Variants in IL6ST observed in about 807,000 individuals in gnomAD.
IL6ST encodes interleukin-6 receptor subunit beta.
In IL6ST, 24 loss-of-function variants were observed where a neutral mutation model predicts 91.3. That is an observed-to-expected ratio of 0.26 (90% CI 0.19 to 0.37). The LOEUF (loss-of-function observed/expected upper bound fraction) is 0.37, where lower values mean the gene tolerates loss of function less well. IL6ST is among the 10% of genes least tolerant of loss of function. The pLI is 1.00. For missense variants in IL6ST, 914 were observed against 1,078.5 expected (o/e 0.85, Z 2.14); for synonymous variants, 351 against 373.6 (o/e 0.94, Z 0.70).
chr5:55,965,480 C>T (rs192985851), intron 5 of IL6ST, among the ~76,000 whole-genome samples: 470 of 152,104 alleles, frequency 3.1e-3, no homozygotes, highest in African/African-American at 0.011. Flanking sequence ...CTAGCTCTTT[C>T]GACTGAAAAA....
Position 55,959,813 on chromosome 5 carries a change from T to C in IL6ST, c.973+589A>G, listed in dbSNP as rs552139092. ...TAGGAGTATCTCTGGACAAGTCTCC[T>C]TGAATAAAATGTTCTAGACTTATCA... is the stretch of plus-strand genomic sequence containing the variant. On this transcript the variant is annotated intron_variant, in intron 8 of 16. Coordinates refer to ENST00000381298, the MANE Select transcript of IL6ST (RefSeq NM_002184.4). The C allele has an allele frequency of 3.6e-5, 12 of 332,904 alleles. No individual in the cohort carries two copies. The East Asian group carries it at 8.4e-4, about 23-fold the overall frequency. 20.6% of individuals were successfully genotyped at this position (332,904 alleles called of 1,614,324 possible).
At chr5:55,966,972 C>G (rs547003001) in intron 5 of IL6ST, among the ~76,000 whole-genome samples, 3 of 151,648 alleles carry the variant, frequency 2.0e-5, no homozygotes, top group African/African-American at 7.3e-5. Context: ...AAAATCAAAC[C>G]CAAATCTGAT....
chr5:55,974,968 C>T (rs1753198144), intron 3 of IL6ST, among the ~76,000 whole-genome samples: 1 of 151,718 alleles, frequency 6.6e-6, no homozygotes, highest in Non-Finnish European at 1.5e-5. Flanking sequence ...CACACACACA[C>T]ACACACACAC....
intron 2 of IL6ST, among the ~76,000 whole-genome samples, 180 bp from the exon 3 acceptor site, chr5:55,976,473 A>T (rs915931264): frequency 2.0e-5 from 3 of 152,206 alleles, no homozygotes; most frequent in Admixed American, 2.0e-4. Flanking sequence ...AGTTATGGCT[A>T]TGGAAAACAC....
rs1051359208 is a variant in IL6ST at position 55,935,460 on chromosome 5, T to G, written c.*5622A>C. 2 of 196,280 alleles carry G rather than the reference T, an allele frequency of 1.0e-5. No individual in the cohort carries two copies. Among genetic ancestry groups the G allele is most frequent in the African/African-American group, 5.5e-5 (2 of 36,454 alleles). The allele number at this position is 196,280 out of a possible 1,614,324, so 12.2% of individuals were successfully genotyped here. A position where few individuals can be genotyped will look rare whatever the true frequency, so the allele number is the denominator to read the frequency against. On this transcript the variant is annotated 3_prime_UTR_variant, in exon 17 of 17. Transcript: ENST00000381298. ...TTTTGAGTTGAAAGGTACATTTTCC[T>G]CCCTTGATGGAGACAGAACTTTTCT...
chr5:55,942,256 G>C (rs1196496546), intron 16 of IL6ST, among the ~76,000 whole-genome samples: 1 of 152,152 alleles, frequency 6.6e-6, no homozygotes, highest in Non-Finnish European at 1.5e-5. Context: ...TCAGAGTTTA[G>C]AGTAGGTTCC....
intron 7 of IL6ST, among the ~76,000 whole-genome samples, chr5:55,960,813 G>T (rs1336612993): frequency 6.6e-6 from 1 of 151,826 alleles, no homozygotes; most frequent in African/African-American, 2.4e-5. Context: ...TACTTTTTTA[G>T]TATCAACAAG....
chr5:55,975,974 T>C (rs538962879), intron 3 of IL6ST, among the ~76,000 whole-genome samples: 3 of 151,640 alleles, frequency 2.0e-5, no homozygotes, highest in East Asian at 3.9e-4. Flanking sequence ...ATATACAGCA[T>C]TTAAGATTAC....
At chr5:55,973,288 C>T (rs77562046) in intron 3 of IL6ST, among the ~76,000 whole-genome samples, 3,735 of 152,298 alleles carry the variant, frequency 0.025, 175 homozygotes, top group African/African-American at 0.085. Context: ...CGATGTCACG[C>T]ATACTCTTTT....
chr5:55,979,968 G>A (rs988564894), intron 2 of IL6ST, among the ~76,000 whole-genome samples: 2 of 152,232 alleles, frequency 1.3e-5, no homozygotes, highest in East Asian at 1.9e-4. Flanking sequence ...AGCTCTATAT[G>A]TACAGAAACA....
At chr5:55,973,004 CA>C (rs201052851) in intron 3 of IL6ST, among the ~76,000 whole-genome samples, 4 of 110,814 alleles carry the variant, frequency 3.6e-5, no homozygotes, top group East Asian at 2.7e-4. Context: ...GATTCCATCT[CA>C]AAAAAAAAGA....
intron 15 of IL6ST, among the ~76,000 whole-genome samples, chr5:55,944,469 TG>T (rs1751117987): frequency 1.3e-5 from 2 of 152,178 alleles, no homozygotes; most frequent in African/African-American, 4.8e-5. Flanking sequence ...AAAATACTTT[TG>T]TCATGAATTC....
At chr5:55,966,695 A>G (rs1240462307) in intron 5 of IL6ST, among the ~76,000 whole-genome samples, 6 of 152,208 alleles carry the variant, frequency 3.9e-5, no homozygotes, top group Non-Finnish European at 8.8e-5. Flanking sequence ...AGAAGGATGC[A>G]TAGATAAATA....
intron 2 of IL6ST, among the ~76,000 whole-genome samples, chr5:55,978,591 T>C (rs1474421606): frequency 6.6e-6 from 1 of 152,154 alleles, no homozygotes; most frequent in Non-Finnish European, 1.5e-5. Flanking sequence ...CCAGGCGTGG[T>C]GGCGGCCGCC....
Position 55,947,509 on chromosome 5 carries a change from A to G in IL6ST, c.1921T>C (p.Phe641Leu). The change falls in exon 15 of 17, where the codon TTT (phenylalanine) becomes CTT (leucine). Residue 641 changes from phenylalanine (F) to leucine (L), a missense_variant. Coordinates refer to ENST00000381298, the MANE Select transcript of IL6ST (RefSeq NM_002184.4). Reference protein sequence around the residue: ...LTTLLGVLFCFNKRDLIKKHI... With the variant: ...LTTLLGVLFCLNKRDLIKKHI... ...GTTACTTACAGGTCTCGCTTATTAA[A>G]GCAGAACAGCACTCCCAGAAGAGTT... The G allele has an allele frequency of 6.3e-6, 10 of 1,588,806 alleles. No homozygotes were observed. The highest frequency in any genetic ancestry group is 1.1e-5 in the South Asian group (1 of 87,088).
At chr5:55,973,887 CGGATGAAAATGTTG>C (rs1561192469) in intron 3 of IL6ST, among the ~76,000 whole-genome samples, 1 of 152,114 alleles carries the variant, frequency 6.6e-6, no homozygotes, top group African/African-American at 2.4e-5. Context: ...GCCAACACTT[CGGATGAAAATGTTG>C]GGATTTAAAA....
chr5:55,979,240 T>C (rs2111878072), intron 2 of IL6ST, among the ~76,000 whole-genome samples: 1 of 152,098 alleles, frequency 6.6e-6, no homozygotes, highest in Middle Eastern at 3.4e-3. Flanking sequence ...AAAAAAATTT[T>C]AAAAGAGAAA....
At chr5:55,942,884 C>A (rs1217061466) in intron 15 of IL6ST, 133 bp from the exon 16 acceptor site, 1 of 523,268 alleles carries the variant, frequency 1.9e-6, no homozygotes, top group Non-Finnish European at 3.4e-6. Flanking sequence ...AATACCTACT[C>A]TACCCCAAAC....
rs370154111 is a variant in IL6ST, at chr5:55,969,609, T to C, written c.311A>G (p.Asn104Ser). The C allele has an allele frequency of 2.9e-4, 473 of 1,613,160 alleles. No homozygotes were observed. The highest frequency in any genetic ancestry group is 3.9e-4 in the Non-Finnish European group (455 of 1,179,400). The change falls in exon 4 of 17, where the codon AAC becomes AGC. Residue 104 changes from asparagine (N) to serine (S), a missense_variant. Coordinates refer to ENST00000381298, the MANE Select transcript of IL6ST (RefSeq NM_002184.4). ...IASLNIQLTCNILTFGQLEQN... is the reference protein window; with the variant it reads ...IASLNIQLTCSILTFGQLEQN... ...TTCAAGCTGTCCGAATGTAAGAATG[T>C]TGCAAGTGAGCTGAATATTTAATGA... is the stretch of plus-strand genomic sequence containing the variant.
Sources: gnomAD v4.1 joint callset for allele counts (sites outside exome capture counted in the v4.1 genomes callset) on GRCh38, gnomAD v4.1.1 for gene constraint, MANE v1.5 for transcripts, NCBI Gene and HGNC (gene_info 2026-07-23, HGNC 2026-07-21) for gene names.